The following KLF7 variants were observed in gnomAD, a reference collection of about 807,000 sequenced individuals.
KLF7 encodes KLF transcription factor 7, also known as Krueppel-like factor 7.
KLF7 carries 2 observed loss-of-function variants against 27.3 expected under a neutral mutation model. The ratio of observed to expected loss-of-function variants is 0.07; its 90% CI spans 0.03 to 0.23. The LOEUF (loss-of-function observed/expected upper bound fraction) is 0.23. Among genes scored for constraint, KLF7 ranks in the 10% least tolerant of loss-of-function variants. KLF7 has a pLI of 1.00. For missense variants in KLF7, 221 were observed against 394.1 expected, an observed-to-expected ratio of 0.56 and a Z score of 3.72; for synonymous variants, 165 against 162.4, an observed-to-expected ratio of 1.02 and a Z score of -0.12.
At chr2:207,165,162 A>G (rs2078669583) in intron 1 of KLF7, among the ~76,000 whole-genome samples, 1 of 151,968 alleles carries the variant, frequency 6.6e-6, no homozygotes, top group Non-Finnish European at 1.5e-5. Flanking sequence ...CGAACCCCAG[A>G]AGTTCGGCAG....
chr2:207,133,976 GCCCGCTCTTATGCACCCCCA>G, intron 1 of KLF7: 1 of 922,566 alleles, frequency 1.1e-6, no homozygotes, highest in Non-Finnish European at 1.6e-6. Flanking sequence ...CTGTTTTACA[GCCCGCTCTTATGCACCCCCA>G]CCCGCTCCTG....
rs1416453316 is a variant in KLF7, at chr2:207,074,862, A to G, written c.*6351T>C. 3.3e-5 allele frequency: 5 copies of G among 152,190 alleles called. No homozygotes were observed. The highest frequency in any genetic ancestry group is 5.9e-5 in the Non-Finnish European group (4 of 68,044). 9.4% of individuals were successfully genotyped at this position (152,190 alleles called of 1,614,324 possible). ...GCTCCCTTTTTCCCCTTGAAGAAAT[A>G]AACTCAGTGACCCTTATTTGGGCAT... On this transcript the variant is annotated 3_prime_UTR_variant, in exon 4 of 4. Transcript: ENST00000309446.
intron 1 of KLF7, among the ~76,000 whole-genome samples, chr2:207,129,147 A>G (rs2077556519): frequency 6.6e-6 from 1 of 152,224 alleles, no homozygotes; most frequent in African/African-American, 2.4e-5. Flanking sequence ...TCAGCAGGCT[A>G]AAAGTGTCCC....
chr2:207,087,235 C>T (rs547885890), intron 3 of KLF7, among the ~76,000 whole-genome samples: 1 of 152,178 alleles, frequency 6.6e-6, no homozygotes, highest in South Asian at 2.1e-4. Flanking sequence ...GAGGTTATCT[C>T]TGGGCTCCAG....
In KLF7 at chr2:207,116,782, C is replaced by T. The variant is rs2077199708; in HGVS notation, c.733+6992G>A. On this transcript the variant is annotated intron_variant, in intron 2 of 3. Coordinates refer to ENST00000309446, the MANE Select transcript of KLF7 (RefSeq NM_003709.4). ...TTCTCTATCAAACAGAACTCGCCCACCCTTGAAACCTTTGAATTTATAAAA... is the reference window on the plus strand; with the variant it reads ...TTCTCTATCAAACAGAACTCGCCCATCCTTGAAACCTTTGAATTTATAAAA... Among the ~76,000 whole-genome samples, 3 of 152,128 alleles carry T rather than the reference C, an allele frequency of 2.0e-5. No homozygotes were observed. The South Asian group carries it at 6.2e-4, about 31-fold the overall frequency.
At chr2:207,088,622 C>T (rs1364577846) in intron 2 of KLF7, 41 bp from the exon 3 acceptor site, 1 of 1,602,804 alleles carries the variant, frequency 6.2e-7, no homozygotes, top group Non-Finnish European at 8.5e-7. Flanking sequence ...GCAGCAGGAA[C>T]AAAAGGGATT....
chr2:207,084,002 G>A (rs1053521142), intron 3 of KLF7, among the ~76,000 whole-genome samples: 3 of 152,118 alleles, frequency 2.0e-5, no homozygotes, highest in African/African-American at 7.2e-5. Context: ...GACTTGTGTT[G>A]GACTTCTAAC....
intron 2 of KLF7, among the ~76,000 whole-genome samples, chr2:207,114,039 T>C (rs767887776): frequency 1.1e-4 from 16 of 152,226 alleles, no homozygotes; most frequent in Non-Finnish European, 2.1e-4. Context: ...TAGCCTATGA[T>C]ACCTTTTCTA....
intron 1 of KLF7, among the ~76,000 whole-genome samples, chr2:207,129,189 G>A (rs1381072279): frequency 6.6e-6 from 1 of 152,212 alleles, no homozygotes; most frequent in Non-Finnish European, 1.5e-5. Flanking sequence ...GAGTTCAAAT[G>A]TTTTTCCACT....
chr2:207,149,252 T>G, intron 1 of KLF7: 4 of 804,548 alleles, frequency 5.0e-6, no homozygotes, highest in Non-Finnish European at 7.3e-6. Flanking sequence ...CACTCAGCGC[T>G]GTCACTCTCT....
intron 2 of KLF7, among the ~76,000 whole-genome samples, chr2:207,109,626 T>C (rs1402440115): frequency 6.6e-6 from 1 of 152,196 alleles, no homozygotes; most frequent in Non-Finnish European, 1.5e-5. Context: ...CTTACTTGGG[T>C]AATGCACTAA....
At chr2:207,095,991 G>A (rs2076620041) in intron 2 of KLF7, among the ~76,000 whole-genome samples, 1 of 152,088 alleles carries the variant, frequency 6.6e-6, no homozygotes, top group South Asian at 2.1e-4. Context: ...ATTTTGGACA[G>A]CACTGGCTTA....
At chr2:207,099,917 C>T (rs919590146) in intron 2 of KLF7, among the ~76,000 whole-genome samples, 1 of 152,052 alleles carries the variant, frequency 6.6e-6, no homozygotes, top group East Asian at 1.9e-4. Flanking sequence ...ATCACCTGAG[C>T]CCAGGAGTTT....
At chr2:207,097,112 T>C (rs1488738722) in intron 2 of KLF7, among the ~76,000 whole-genome samples, 4 of 152,212 alleles carry the variant, frequency 2.6e-5, no homozygotes, top group South Asian at 2.1e-4. Flanking sequence ...TCAAGAACCA[T>C]TGCTGTAGTG....
intron 2 of KLF7, 63 bp from the exon 3 acceptor site, chr2:207,088,644 G>GGGATT (rs2076443445): frequency 2.6e-6 from 4 of 1,549,306 alleles, no homozygotes; most frequent in Non-Finnish European, 3.5e-6. Flanking sequence ...CACCCAACCA[G>GGGATT]CCTGTGCTGC....
chr2:207,149,030 G>T, intron 1 of KLF7: 1 of 1,171,440 alleles, frequency 8.5e-7, no homozygotes, highest in Non-Finnish European at 1.1e-6. Context: ...AAAAACAAAG[G>T]AATGTCTCCT....
intron 1 of KLF7, among the ~76,000 whole-genome samples, chr2:207,160,250 TAAGC>T (rs1176825022): frequency 1.3e-5 from 2 of 152,138 alleles, no homozygotes; most frequent in Non-Finnish European, 2.9e-5. Flanking sequence ...TCGTTTATGC[TAAGC>T]AAGCAGTCAG....
chr2:207,108,941 T>A (rs1004543983), intron 2 of KLF7, among the ~76,000 whole-genome samples: 1 of 152,174 alleles, frequency 6.6e-6, no homozygotes, highest in African/African-American at 2.4e-5. Flanking sequence ...ATACAACTCA[T>A]ACACCAAGAT....
chr2:207,130,836 CAA>C (rs1323746655), intron 1 of KLF7, among the ~76,000 whole-genome samples: 1 of 152,128 alleles, frequency 6.6e-6, no homozygotes, highest in Non-Finnish European at 1.5e-5. Context: ...CATGTATACT[CAA>C]GTTAGTAAGT....
Sources: allele counts gnomAD v4.1 joint callset (sites outside exome capture counted in the v4.1 genomes callset), GRCh38; gene constraint gnomAD v4.1.1; transcripts MANE v1.5; gene names NCBI Gene and HGNC (gene_info 2026-07-23, HGNC 2026-07-21).